RABGAP1L: variants seen among roughly 807,000 people sequenced by gnomAD.
RABGAP1L encodes the protein rab GTPase-activating protein 1-like.
Under a neutral mutation model 137.7 loss-of-function variants are expected in RABGAP1L, and 63 were observed. That is an observed-to-expected ratio of 0.46 (90% CI 0.37 to 0.56). The LOEUF (loss-of-function observed/expected upper bound fraction) is 0.56. Ranked by LOEUF, RABGAP1L falls within the 20% of genes least tolerant of loss-of-function variation. The pLI, the probability that RABGAP1L is intolerant of heterozygous loss-of-function variation, is 0.00. For missense variants in RABGAP1L, 1,095 were observed against 1,244.0 expected (o/e 0.88, Z 1.80); for synonymous variants, 431 against 433.7 (o/e 0.99, Z 0.08).
chr1:174,199,684 G>T (rs749761045), intron 1 of RABGAP1L, among the ~76,000 whole-genome samples: 26 of 152,262 alleles, frequency 1.7e-4, no homozygotes, highest in Middle Eastern at 3.4e-3. Flanking sequence ...TCATGATTGT[G>T]AGAGCCAATT....
At chr1:174,451,615 G>A (rs565035953) in intron 13 of RABGAP1L, among the ~76,000 whole-genome samples, 2 of 152,272 alleles carry the variant, frequency 1.3e-5, no homozygotes, top group African/African-American at 2.4e-5. Context: ...CTGCTTCACC[G>A]GTAGGCTGCG....
chr1:174,492,925 A>T (rs1419157598), intron 13 of RABGAP1L, among the ~76,000 whole-genome samples: 3 of 151,700 alleles, frequency 2.0e-5, no homozygotes, highest in Non-Finnish European at 4.4e-5. Flanking sequence ...AGCACCTTGT[A>T]CTTCCACCGT....
At chr1:174,692,077 A>G (rs1678914700) in intron 15 of RABGAP1L, among the ~76,000 whole-genome samples, 1 of 152,218 alleles carries the variant, frequency 6.6e-6, no homozygotes, top group Non-Finnish European at 1.5e-5. Context: ...CCTTGCTTCT[A>G]GCCTTCACAC....
chr1:174,203,034 C>A (rs1485655490), intron 1 of RABGAP1L, among the ~76,000 whole-genome samples: 1 of 151,762 alleles, frequency 6.6e-6, no homozygotes, highest in South Asian at 2.1e-4. Context: ...TCCTTTTTTT[C>A]CTTTATTGTG....
chr1:174,841,034 C>T (rs929322613), intron 19 of RABGAP1L, among the ~76,000 whole-genome samples: 1 of 151,868 alleles, frequency 6.6e-6, no homozygotes, highest in African/African-American at 2.4e-5. Context: ...GCAGAAACTA[C>T]AGAAAATATA....
At chr1:174,816,721 C>G (rs1690452756) in intron 19 of RABGAP1L, among the ~76,000 whole-genome samples, 1 of 143,446 alleles carries the variant, frequency 7.0e-6, no homozygotes, top group South Asian at 2.2e-4. Flanking sequence ...TCTCCAAAGG[C>G]TAAGAAACAA....
chr1:174,241,497 C>T lies in RABGAP1L; in HGVS notation c.557C>T (p.Ser186Phe), dbSNP rs1671826140. 1 of 1,595,968 alleles carries T rather than the reference C, an allele frequency of 6.3e-7. No homozygotes were observed. Among genetic ancestry groups the T allele is most frequent in the Admixed American group, 1.8e-5 (1 of 57,094 alleles). Residue 186 changes from serine to phenylalanine, a missense_variant, in exon 5 of 26, where the codon TCC (serine) becomes TTC (phenylalanine). Transcript: ENST00000681986. ...PEGSVRIIDQ[S>F]SNVEIASFPI... The stretch of plus-strand genomic sequence containing the variant: ...CTGTTCTACAGAATTATAGACCAAT[C>T]CAGCAATGTGGAGATAGCATCTTTT...
chr1:174,323,959 A>G (rs1218069085), intron 11 of RABGAP1L, among the ~76,000 whole-genome samples: 1 of 152,162 alleles, frequency 6.6e-6, no homozygotes, highest in Non-Finnish European at 1.5e-5. Context: ...ATAATGGAAG[A>G]GTCATTTACT....
chr1:174,370,167 A>G (rs1195407466), intron 11 of RABGAP1L, among the ~76,000 whole-genome samples: 1 of 152,108 alleles, frequency 6.6e-6, no homozygotes, highest in Non-Finnish European at 1.5e-5. Context: ...TGCCAGATAG[A>G]TTTTCAGCTA....
At chr1:174,653,190 C>T (rs752496870) in intron 14 of RABGAP1L, among the ~76,000 whole-genome samples, 7 of 152,190 alleles carry the variant, frequency 4.6e-5, no homozygotes, top group Non-Finnish European at 1.0e-4. Context: ...GACTGCTATG[C>T]TGGCAGTGAG....
intron 13 of RABGAP1L, chr1:174,545,020 G>C (rs969688277): frequency 6.5e-6 from 1 of 153,198 alleles, no homozygotes; most frequent in African/African-American, 2.4e-5. Context: ...CCCCTCCTGG[G>C]AGGTGTCTCC....
intron 1 of RABGAP1L, among the ~76,000 whole-genome samples, chr1:174,179,160 T>G (rs1666141211): frequency 6.6e-6 from 1 of 152,212 alleles, no homozygotes. Flanking sequence ...TCCTCTTGCC[T>G]TAGCCTAAGC....
At chr1:174,875,477 G>A in intron 19 of RABGAP1L, 1 of 968,072 alleles carries the variant, frequency 1.0e-6, no homozygotes, top group Non-Finnish European at 1.2e-6. Flanking sequence ...AAGGCATTGT[G>A]GGAAGTACTT....
At chr1:174,532,459 G>A (rs866187368) in intron 13 of RABGAP1L, among the ~76,000 whole-genome samples, 13 of 152,126 alleles carry the variant, frequency 8.5e-5, no homozygotes, top group Middle Eastern at 3.4e-3. Flanking sequence ...CACCCGCCTC[G>A]GCCTTCCAAA....
At chr1:174,654,017 C>T (rs867041167) in intron 14 of RABGAP1L, among the ~76,000 whole-genome samples, 8 of 152,054 alleles carry the variant, frequency 5.3e-5, no homozygotes, top group East Asian at 1.9e-4. Context: ...GGGAGAGTCT[C>T]GGAGAGCCAT....
chr1:174,727,558 GA>G (rs1017093164), intron 17 of RABGAP1L, among the ~76,000 whole-genome samples: 10 of 152,182 alleles, frequency 6.6e-5, no homozygotes, highest in African/African-American at 2.2e-4. Context: ...GAGGATGACT[GA>G]AAGGTATAAA....
intron 23 of RABGAP1L, among the ~76,000 whole-genome samples, chr1:174,980,695 C>T (rs1671025460): frequency 6.6e-6 from 1 of 152,136 alleles, no homozygotes; most frequent in Admixed American, 6.5e-5. Context: ...AGGCTTGGGA[C>T]CTTGGATTTT....
At chr1:174,877,337 T>G in intron 19 of RABGAP1L, 1 of 1,399,132 alleles carries the variant, frequency 7.1e-7, no homozygotes, top group Non-Finnish European at 9.7e-7. Flanking sequence ...CCGCTTTTTT[T>G]TTCTTTCTCT....
intron 4 of RABGAP1L, among the ~76,000 whole-genome samples, chr1:174,238,113 C>G (rs911005062): frequency 6.6e-6 from 1 of 152,138 alleles, no homozygotes; most frequent in Non-Finnish European, 1.5e-5. Flanking sequence ...CCTTGGTTTT[C>G]AGCTCCATCA....
Sources: allele counts gnomAD v4.1 joint callset (sites outside exome capture counted in the v4.1 genomes callset), GRCh38; gene constraint gnomAD v4.1.1; transcripts MANE v1.5; gene names NCBI Gene and HGNC (gene_info 2026-07-23, HGNC 2026-07-21).